Variants in RYR2 observed in about 807,000 individuals in gnomAD.
The protein encoded by RYR2 is cardiac muscle ryanodine receptor-calcium release channel.
RYR2 carries 227 observed loss-of-function variants against 601.1 expected under a neutral mutation model. The observed-to-expected ratio is 0.38, with a 90% CI of 0.34 to 0.42. The LOEUF (loss-of-function observed/expected upper bound fraction) is 0.42. Ranked by LOEUF, RYR2 falls within the 10% of genes least tolerant of loss-of-function variation. The pLI is 1.00. For missense variants in RYR2, 4,646 were observed against 6,156.5 expected (o/e 0.75, Z 8.21); for synonymous variants, 2,223 against 2,175.1 (o/e 1.02, Z -0.61).
At chr1:237,381,968 C>G (rs1701558981) in intron 8 of RYR2, among the ~76,000 whole-genome samples, 1 of 151,990 alleles carries the variant, frequency 6.6e-6, no homozygotes, top group Non-Finnish European at 1.5e-5. Flanking sequence ...AGCAAAGCAC[C>G]TTAAGAGAAA....
intron 10 of RYR2, among the ~76,000 whole-genome samples, chr1:237,402,315 A>T (rs1317767083): frequency 6.6e-6 from 1 of 151,696 alleles, no homozygotes; most frequent in Admixed American, 6.6e-5. Flanking sequence ...TGAGCCCAGG[A>T]ATTCAAAGCT....
intron 2 of RYR2, among the ~76,000 whole-genome samples, chr1:237,314,067 T>TC (rs1197668932): frequency 2.8e-5 from 4 of 143,214 alleles, no homozygotes; most frequent in Non-Finnish European, 4.6e-5. Context: ...GAATTTCTTT[T>TC]TTTTTTTTTT....
rs749184443 is a variant in RYR2, at chr1:237,614,637, G to A, written c.5509G>A (p.Glu1837Lys). 9.3e-6 allele frequency: 15 copies of A among 1,613,996 alleles called. No individual in the cohort carries two copies. Among genetic ancestry groups the A allele is most frequent in the East Asian group, 2.2e-5 (1 of 44,862 alleles). Residue 1837 changes from glutamate (E) to lysine (K), a missense_variant, in exon 37 of 105, where the codon GAG (glutamate) becomes AAG (lysine). Glu to Lys is a moderately conservative substitution (Grantham distance 56, BLOSUM62 1). Coordinates refer to ENST00000366574, the MANE Select transcript of RYR2 (RefSeq NM_001035.3). The surrounding 1 kb of genome is among the most constrained non-coding windows in gnomAD (Gnocchi z 4.3). ...GCTGATCATGGGCATCTTTCACAAC[G>A]AGGACTTGAAGCACATCTTGCAGTT... ...TLLIMGIFHN[E>K]DLKHILQLIE...
At chr1:237,731,326 T>G (rs1690659853) in intron 77 of RYR2, among the ~76,000 whole-genome samples, 2 of 152,090 alleles carry the variant, frequency 1.3e-5, no homozygotes, top group Admixed American at 1.3e-4. Flanking sequence ...TGCTTAATAA[T>G]TTTCCTCGCT....
chr1:237,600,895 C>T (rs1676429989), intron 34 of RYR2, among the ~76,000 whole-genome samples: 1 of 152,058 alleles, frequency 6.6e-6, no homozygotes, highest in Non-Finnish European at 1.5e-5. Flanking sequence ...ACAATATTAC[C>T]TTATTCCAGT....
At chr1:237,209,627 C>T (rs532104353) in intron 1 of RYR2, among the ~76,000 whole-genome samples, 197 of 151,434 alleles carry the variant, frequency 1.3e-3, no homozygotes, top group African/African-American at 4.4e-3. Context: ...CTGAGGCAGG[C>T]GGATCACTTG....
Position 237,633,612 on chromosome 1 carries a change from G to T in RYR2, c.6590G>T (p.Cys2197Phe). The T allele has an allele frequency of 6.2e-7, 1 of 1,613,944 alleles. No individual in the cohort carries two copies. The change falls in exon 43 of 105, where the codon TGC becomes TTC. Residue 2197 changes from cysteine (C) to phenylalanine (F), a missense_variant. Physicochemically the swap from Cys to Phe is radical, Grantham distance 205. This residue lies in a region of RYR2 where 137 missense variants were observed against 273.6 expected (regional missense o/e 0.50). Coordinates refer to ENST00000366574, the MANE Select transcript of RYR2 (RefSeq NM_001035.3). The part of the protein sequence containing the change: ...ITFPKMVANC[C>F]RFLCYFCRIS... ...TTTCCCAAGATGGTGGCCAACTGTTGCCGTTTTCTCTGTTACTTCTGTCGT... is the reference window on the plus strand; with the variant it reads ...TTTCCCAAGATGGTGGCCAACTGTTTCCGTTTTCTCTGTTACTTCTGTCGT...
At position 237,614,963 on chromosome 1, in the gene RYR2, GT is replaced by G; in HGVS notation, c.5715+122del. On this transcript the variant is annotated intron_variant, in intron 37 of 104. Coordinates refer to ENST00000366574, the MANE Select transcript of RYR2 (RefSeq NM_001035.3). The surrounding 1 kb of genome is among the most constrained non-coding windows in gnomAD (Gnocchi z 4.3). The stretch of plus-strand genomic sequence containing the variant: ...TTCTTTGCATTCCTGTGTAATGGTA[GT>G]TCTTCATAAAATTAACTAACTTCCT... 1 of 1,020,594 alleles carries G rather than the reference GT, an allele frequency of 9.8e-7. No individual in the cohort carries two copies. Among genetic ancestry groups the G allele is most frequent in the Non-Finnish European group, 1.4e-6 (1 of 720,902 alleles). The allele number at this position is 1,020,594 out of a possible 1,614,324, so 63.2% of individuals were successfully genotyped here.
At chr1:237,743,421 G>A (rs190302372) in intron 80 of RYR2, among the ~76,000 whole-genome samples, 34 of 152,270 alleles carry the variant, frequency 2.2e-4, no homozygotes, top group Admixed American at 1.3e-3. Flanking sequence ...CTTTTCTAAT[G>A]TATATGTTTT....
chr1:237,089,950 A>T (rs1308344178), intron 1 of RYR2, among the ~76,000 whole-genome samples: 1 of 152,150 alleles, frequency 6.6e-6, no homozygotes. Context: ...AAGAAAAGAG[A>T]TTTAATTGAC....
At chr1:237,266,824 T>TATA (rs1301774313) in intron 1 of RYR2, among the ~76,000 whole-genome samples, 43 of 152,098 alleles carry the variant, frequency 2.8e-4, no homozygotes, top group African/African-American at 1.0e-3. Context: ...GATTGAAAGC[T>TATA]GTAGCTATAG....
At chr1:237,740,171 A>G (rs1044949275) in intron 79 of RYR2, among the ~76,000 whole-genome samples, 5 of 152,324 alleles carry the variant, frequency 3.3e-5, no homozygotes, top group African/African-American at 7.2e-5. Context: ...ATTGAAGAAC[A>G]TATCTTTTGT....
intron 10 of RYR2, among the ~76,000 whole-genome samples, chr1:237,407,619 T>TG (rs1474350582): frequency 6.6e-6 from 1 of 150,664 alleles, no homozygotes; most frequent in Non-Finnish European, 1.5e-5. Context: ...GTTTTTTTTT[T>TG]TTTTTTTTTT....
chr1:237,666,771 G>A (rs553727132), intron 57 of RYR2, among the ~76,000 whole-genome samples, 182 bp downstream of exon 57: 1 of 152,236 alleles, frequency 6.6e-6, no homozygotes, highest in Non-Finnish European at 1.5e-5. Context: ...ATAGCTGGGT[G>A]TGGTGGCACG....
At position 237,769,082 on chromosome 1, in the gene RYR2, ACTT is replaced by A. The variant is rs574529227; in HGVS notation, c.11477-1721_11477-1719del. Reference sequence around the variant, plus strand: ...TTCTGAATACTTTCTAGTAAGGGTTACTTCTTTCACGAATATATGAACACTTAA... The same window carrying A: ...TTCTGAATACTTTCTAGTAAGGGTTACTTTCACGAATATATGAACACTTAA... On this transcript the variant is annotated intron_variant, in intron 84 of 104. Transcript: ENST00000366574. Among the ~76,000 whole-genome samples, 3 of 152,314 alleles carry A rather than the reference ACTT, an allele frequency of 2.0e-5. No individual in the cohort carries two copies. The South Asian group carries it at 6.2e-4, about 32-fold the overall frequency.
intron 31 of RYR2, among the ~76,000 whole-genome samples, chr1:237,591,390 A>G (rs1675186746): frequency 6.6e-6 from 1 of 152,016 alleles, no homozygotes; most frequent in Admixed American, 6.6e-5. Flanking sequence ...TCCAAATAGT[A>G]TTTTTTATGA....
chr1:237,055,194 G>T (rs1388995343), intron 1 of RYR2, among the ~76,000 whole-genome samples: 1 of 152,148 alleles, frequency 6.6e-6, no homozygotes, highest in Non-Finnish European at 1.5e-5. Flanking sequence ...GACACGTTTG[G>T]GAGAGAGATG....
chr1:237,657,745 T>A (rs1364085085), intron 53 of RYR2, among the ~76,000 whole-genome samples, 199 bp from the exon 54 acceptor site: 1 of 151,932 alleles, frequency 6.6e-6, no homozygotes, highest in Non-Finnish European at 1.5e-5. Context: ...CAATATAAGA[T>A]GAGCAGATAG....
At chr1:237,042,995 C>T (rs889146602) in intron 1 of RYR2, among the ~76,000 whole-genome samples, 2 of 152,116 alleles carry the variant, frequency 1.3e-5, no homozygotes, top group African/African-American at 4.8e-5. Flanking sequence ...GGCGGGAACT[C>T]GGGCTGTTTC....
Sources: allele counts gnomAD v4.1 joint callset (sites outside exome capture counted in the v4.1 genomes callset), GRCh38; gene constraint gnomAD v4.1.1; regional missense constraint gnomAD v4.1.1; non-coding constraint Gnocchi (gnomAD v3.1); transcripts MANE v1.5; gene names NCBI Gene and HGNC (gene_info 2026-07-23, HGNC 2026-07-21).